Variants in ABCA4 observed in about 807,000 individuals in gnomAD.
ABCA4 encodes the protein ATP binding cassette subfamily A member 4.
ABCA4 carries 196 observed loss-of-function variants against 263.7 expected under a neutral mutation model. The ratio of observed to expected loss-of-function variants is 0.74; its 90% CI spans 0.66 to 0.84. ABCA4 has a LOEUF of 0.84. Among genes scored for constraint, ABCA4 ranks in the 40% least tolerant of loss-of-function variants. The pLI, the probability that ABCA4 is intolerant of heterozygous loss-of-function variation, is 0.00. For missense variants in ABCA4, 2,792 were observed against 2,855.1 expected, an observed-to-expected ratio of 0.98 and a Z score of 0.50; for synonymous variants, 1,133 against 1,094.2, an observed-to-expected ratio of 1.04 and a Z score of -0.70.
chr1:94,018,255 ATTTC>A (rs979699529), intron 36 of ABCA4, among the ~76,000 whole-genome samples: 2 of 152,200 alleles, frequency 1.3e-5, no homozygotes, highest in African/African-American at 4.8e-5. Context: ...TGTAAATTCT[ATTTC>A]TTATCTTTTA....
Position 94,079,311 on chromosome 1 carries a change from T to A in ABCA4, c.1239+11A>T, listed in dbSNP as rs374758024. 1.2e-6 allele frequency: 2 copies of A among 1,614,154 alleles called. No individual in the cohort carries two copies. ...CCAGGGTACACAAGGCAAGCCCAGC[T>A]GGGATCTTACATTCTTCAGTATCCT... On this transcript the variant is annotated intron_variant, in intron 9 of 49. Coordinates refer to ENST00000370225, the MANE Select transcript of ABCA4 (RefSeq NM_000350.3).
chr1:94,017,270 C>T (rs2101017519), intron 36 of ABCA4, among the ~76,000 whole-genome samples: 1 of 152,254 alleles, frequency 6.6e-6, no homozygotes, highest in African/African-American at 2.4e-5. Flanking sequence ...CCGAATTGAA[C>T]ATCATCAGTA....
At chr1:94,012,503 G>C (rs966749363) in intron 38 of ABCA4, among the ~76,000 whole-genome samples, 8 of 152,144 alleles carry the variant, frequency 5.3e-5, no homozygotes, top group Non-Finnish European at 1.2e-4. Context: ...TAGTCAGTGG[G>C]CCCCTGGAGG....
chr1:94,008,216 T>C lies in ABCA4; in HGVS notation c.5898+19A>G. 1 of 1,613,594 alleles carries C rather than the reference T, an allele frequency of 6.2e-7. No individual in the cohort carries two copies. Among genetic ancestry groups the C allele is most frequent in the Non-Finnish European group, 8.5e-7 (1 of 1,179,566 alleles). On this transcript the variant is annotated intron_variant, in intron 42 of 49. Transcript: ENST00000370225. Reference sequence around the variant, plus strand: ...CTGATGTTCGGAAGCCTTTCACACGTGGTCTGCAGAGTACCCACCTCTCCA... The same window carrying C: ...CTGATGTTCGGAAGCCTTTCACACGCGGTCTGCAGAGTACCCACCTCTCCA...
At position 93,993,061 on chromosome 1, in the gene ABCA4, T is replaced by C; in HGVS notation, c.*176A>G. 1 of 779,398 alleles carries C rather than the reference T, an allele frequency of 1.3e-6. No homozygotes were observed. The highest frequency in any genetic ancestry group is 2.1e-6 in the Non-Finnish European group (1 of 481,932). The allele number at this position is 779,398 out of a possible 1,614,324, so 48.3% of individuals were successfully genotyped here. A position where few individuals can be genotyped will look rare whatever the true frequency, so the allele number is the denominator to read the frequency against. On this transcript the variant is annotated 3_prime_UTR_variant, in exon 50 of 50. Coordinates refer to ENST00000370225, the MANE Select transcript of ABCA4 (RefSeq NM_000350.3). ...TCCAGGTGAGCAAGTCAGTTTCGGT[T>C]TCCTTCTGAAAGACCTCTTTCTGAA...
At chr1:94,097,629 G>A (rs897062195) in intron 6 of ABCA4, among the ~76,000 whole-genome samples, 6 of 152,174 alleles carry the variant, frequency 3.9e-5, no homozygotes, top group Admixed American at 3.3e-4. Context: ...CATCAGAATC[G>A]CCTAAGGTAA....
chr1:94,108,476 C>T (rs549833596), intron 4 of ABCA4, 101 bp downstream of exon 4: 31 of 1,552,744 alleles, frequency 2.0e-5, no homozygotes, highest in Middle Eastern at 2.3e-4. Flanking sequence ...TTCCTGCCTC[C>T]GCTAGTATAT....
intron 45 of ABCA4, 85 bp from the exon 46 acceptor site, chr1:94,001,190 G>A (rs1659166568): frequency 8.9e-7 from 1 of 1,122,374 alleles, no homozygotes; most frequent in South Asian, 1.3e-5. Context: ...CTCCCCTGTG[G>A]AGGATGAGCT....
Position 94,021,842 on chromosome 1 carries a change from A to G in ABCA4, c.4773+4T>C, listed in dbSNP as rs763146508. The G allele has an allele frequency of 5.0e-6, 8 of 1,614,064 alleles. No homozygotes were observed. Among genetic ancestry groups the G allele is most frequent in the Non-Finnish European group, 6.8e-6 (8 of 1,180,006 alleles). Reference sequence around the variant, plus strand: ...CTACTCAAATCTCCAGTCTGTTTACATACCCCGCTCACATTCATGATCCGG... The same window carrying G: ...CTACTCAAATCTCCAGTCTGTTTACGTACCCCGCTCACATTCATGATCCGG... On this transcript the variant is annotated splice_donor_region_variant and intron_variant, in intron 33 of 49. Transcript: ENST00000370225.
At chr1:94,083,575 A>G in intron 6 of ABCA4, 134 bp from the exon 7 acceptor site, 1 of 673,576 alleles carries the variant, frequency 1.5e-6, no homozygotes, top group Non-Finnish European at 2.5e-6. Context: ...TCTTTTCTGC[A>G]AGATTACTTT....
intron 36 of ABCA4, among the ~76,000 whole-genome samples, chr1:94,017,333 C>T (rs1278673807): frequency 1.3e-5 from 2 of 152,094 alleles, no homozygotes; most frequent in East Asian, 3.9e-4. Flanking sequence ...GAGAACACAG[C>T]ATCTGTTTGC....
At position 94,111,537 on chromosome 1, in the gene ABCA4, G is replaced by A. The variant is rs62654397; in HGVS notation, c.203C>T (p.Pro68Leu). ...NKAMPSAGMLPWLQGIFCNVN... is the reference protein window; with the variant it reads ...NKAMPSAGMLLWLQGIFCNVN... ...ATTGCAGAAGATCCCCTGGAGCCAC[G>A]GCAGCATTCCTGCTGAGGGCATCGC... The change falls in exon 3 of 50, where the codon CCG (proline) becomes CTG (leucine). Residue 68 changes from proline (P) to leucine (L), a missense_variant. Pro to Leu is a moderately conservative substitution (Grantham distance 98). Coordinates refer to ENST00000370225, the MANE Select transcript of ABCA4 (RefSeq NM_000350.3). 9 of 1,614,086 alleles carry A rather than the reference G, an allele frequency of 5.6e-6. No homozygotes were observed. Among genetic ancestry groups the A allele is most frequent in the South Asian group, 2.2e-5 (2 of 91,086 alleles).
intron 47 of ABCA4, among the ~76,000 whole-genome samples, chr1:93,998,961 G>A (rs1348521217): frequency 6.7e-6 from 1 of 149,896 alleles, no homozygotes; most frequent in Non-Finnish European, 1.5e-5. Flanking sequence ...ATGTTGGCCA[G>A]GCTGGTCTTA....
chr1:94,060,680 T>C lies in ABCA4; in HGVS notation c.2017A>G (p.Ser673Gly), dbSNP rs1661098386. The C allele has an allele frequency of 6.2e-7, 1 of 1,614,142 alleles. No homozygotes were observed. Among genetic ancestry groups the C allele is most frequent in the Non-Finnish European group, 8.5e-7 (1 of 1,180,014 alleles). ...WIYSVSMTVK[S>G]IVLEKELRLK... ...CGCAACTCCTTCTCCAAGACGATGCTCTTCACAGTCATGGAGACAGAGTAG... is the reference window on the plus strand; with the variant it reads ...CGCAACTCCTTCTCCAAGACGATGCCCTTCACAGTCATGGAGACAGAGTAG... Residue 673 changes from serine (S) to glycine (G), a missense_variant, in exon 14 of 50, where the codon AGC (serine) becomes GGC (glycine). By Grantham distance (56) the Ser-to-Gly change is moderately conservative (BLOSUM62 0). Transcript: ENST00000370225.
intron 6 of ABCA4, among the ~76,000 whole-genome samples, chr1:94,084,291 G>C (rs981715096): frequency 1.3e-5 from 2 of 152,272 alleles, no homozygotes; most frequent in Non-Finnish European, 2.9e-5. Flanking sequence ...TGCTTCCTGA[G>C]TAGGTGTGAA....
intron 6 of ABCA4, among the ~76,000 whole-genome samples, chr1:94,087,307 C>T (rs1460589143): frequency 6.6e-6 from 1 of 152,220 alleles, no homozygotes; most frequent in East Asian, 1.9e-4. Context: ...AATGCACACA[C>T]CAACCCATTC....
At chr1:94,025,731 A>G (rs1227384088) in intron 30 of ABCA4, 1 of 159,370 alleles carries the variant, frequency 6.3e-6, no homozygotes, top group Non-Finnish European at 1.4e-5. Context: ...CTGTATTGTC[A>G]TGTACTGTTG....
chr1:93,999,967 T>C (rs919050731), intron 47 of ABCA4, among the ~76,000 whole-genome samples: 14 of 152,228 alleles, frequency 9.2e-5, no homozygotes, highest in African/African-American at 2.9e-4. Context: ...AACGTCCACT[T>C]GCCACAAGCA....
Position 94,019,686 on chromosome 1 carries a change from C to G in ABCA4, c.5092G>C (p.Val1698Leu). Reference protein sequence around the residue: ...FSMSFVPASFVLYLIQERVNK... With the variant: ...FSMSFVPASFLLYLIQERVNK... ...ACCCGCTCCTGGATCAAATAAAGGACAAAGCTGGCTGGGACGAAGGACATG... is the reference window on the plus strand; with the variant it reads ...ACCCGCTCCTGGATCAAATAAAGGAGAAAGCTGGCTGGGACGAAGGACATG... The change falls in exon 36 of 50, where the codon GTC becomes CTC. Residue 1698 changes from valine (V) to leucine (L), a missense_variant. Val to Leu is a conservative substitution (Grantham distance 32, BLOSUM62 1). Coordinates refer to ENST00000370225, the MANE Select transcript of ABCA4 (RefSeq NM_000350.3). 1 of 1,613,778 alleles carries G rather than the reference C, an allele frequency of 6.2e-7. No homozygotes were observed.
Sources: gnomAD v4.1 joint callset for allele counts (sites outside exome capture counted in the v4.1 genomes callset) on GRCh38, gnomAD v4.1.1 for gene constraint, MANE v1.5 for transcripts, NCBI Gene and HGNC (gene_info 2026-07-23, HGNC 2026-07-21) for gene names.